The following COMMD9 variants were observed in gnomAD, a reference collection of about 807,000 sequenced individuals.
The protein encoded by COMMD9 is COMM domain containing 9.
In COMMD9, 22 loss-of-function variants were observed where a neutral mutation model predicts 23.4. The observed-to-expected ratio is 0.94, with a 90% CI of 0.67 to 1.34. The LOEUF (loss-of-function observed/expected upper bound fraction) is 1.34. Among genes scored for constraint, COMMD9 ranks in the 40% most tolerant of loss-of-function variants. The pLI is 0.00. For synonymous variants in COMMD9, 99 were observed against 97.4 expected (o/e 1.02, Z -0.10); for missense variants, 231 against 240.2 (o/e 0.96, Z 0.25).
intron 1 of COMMD9, among the ~76,000 whole-genome samples, chr11:36,285,197 A>G (rs909105301): frequency 6.6e-6 from 1 of 152,176 alleles, no homozygotes; most frequent in Non-Finnish European, 1.5e-5. Flanking sequence ...GATCCTGCAG[A>G]CATCAAAAGG....
chr11:36,274,160 G>A lies in COMMD9; in HGVS notation c.*472C>T. ...GGATGGACCATGCTCTGTGGGCTCTGCCTGGCTTCCCTGACAGAGGAGCAG... is the reference window on the plus strand; with the variant it reads ...GGATGGACCATGCTCTGTGGGCTCTACCTGGCTTCCCTGACAGAGGAGCAG... On this transcript the variant is annotated 3_prime_UTR_variant, in exon 6 of 6. Coordinates refer to ENST00000263401, the MANE Select transcript of COMMD9 (RefSeq NM_014186.4). The A allele has an allele frequency of 2.3e-6, 1 of 428,410 alleles. No homozygotes were observed. The highest frequency in any genetic ancestry group is 1.7e-5 in the South Asian group (1 of 58,858). The allele number at this position is 428,410 out of a possible 1,614,324, so 26.5% of individuals were successfully genotyped here.
At chr11:36,282,617 GTCACAAGAC>G (rs1856085280) in intron 1 of COMMD9, among the ~76,000 whole-genome samples, 1 of 152,140 alleles carries the variant, frequency 6.6e-6, no homozygotes, top group Non-Finnish European at 1.5e-5. Flanking sequence ...AAGAATATCT[GTCACAAGAC>G]CTGCCGTAAA....
intron 1 of COMMD9, 21 bp from the exon 2 acceptor site, chr11:36,280,858 AG>A (rs1856054807): frequency 2.6e-6 from 4 of 1,529,800 alleles, no homozygotes; most frequent in South Asian, 1.2e-5. Flanking sequence ...AATCACAGAT[AG>A]GAAAAAAAAA....
chr11:36,276,497 A>G (rs1432371516), intron 4 of COMMD9: 1 of 420,452 alleles, frequency 2.4e-6, no homozygotes, highest in Non-Finnish European at 4.3e-6. Flanking sequence ...AGCCCTCCAG[A>G]TGTTAGGGCA....
chr11:36,286,727 C>A (rs987715314), intron 1 of COMMD9, among the ~76,000 whole-genome samples: 1 of 152,108 alleles, frequency 6.6e-6, no homozygotes, highest in Non-Finnish European at 1.5e-5. Context: ...ACATGGAATA[C>A]CACTCAGCAA....
intron 1 of COMMD9, among the ~76,000 whole-genome samples, chr11:36,286,395 C>CAAAAAAAAAAAAAAAAAAAAAA (rs138463305): frequency 1.3e-5 from 1 of 76,942 alleles, no homozygotes; most frequent in South Asian, 5.2e-4. Context: ...ACTAAAAATA[C>CAAAAAAAAAAAAAAAAAAAAAA]AAAAAAAAAA....
intron 1 of COMMD9, among the ~76,000 whole-genome samples, chr11:36,286,836 A>T (rs1178386243): frequency 6.6e-6 from 1 of 152,222 alleles, no homozygotes; most frequent in African/African-American, 2.4e-5. Flanking sequence ...TATTCCATTT[A>T]TACGGCATTC....
intron 1 of COMMD9, among the ~76,000 whole-genome samples, chr11:36,283,655 A>G (rs999841497): frequency 2.0e-5 from 3 of 152,248 alleles, no homozygotes. Context: ...AAAATGAAAG[A>G]AAAATCAAGA....
intron 1 of COMMD9, among the ~76,000 whole-genome samples, chr11:36,288,372 AAAG>A (rs770791432): frequency 0.023 from 3,496 of 150,728 alleles, 68 homozygotes; most frequent in South Asian, 0.049. Flanking sequence ...AAAAAAAAAA[AAAG>A]AGAGAGGAAG....
chr11:36,280,923 A>G, intron 1 of COMMD9, 86 bp from the exon 2 acceptor site: 3 of 1,332,204 alleles, frequency 2.3e-6, no homozygotes, highest in Non-Finnish European at 3.0e-6. Flanking sequence ...GTCATACATG[A>G]TACCTTTGAG....
intron 5 of COMMD9, among the ~76,000 whole-genome samples, chr11:36,275,571 G>A (rs1440151890): frequency 1.3e-5 from 2 of 151,978 alleles, no homozygotes; most frequent in African/African-American, 4.8e-5. Flanking sequence ...AGCCTCCTGA[G>A]TAGCTGGGAC....
rs879913906 is a variant in COMMD9 at position 36,272,829 on chromosome 11, A to C, written c.*1803T>G. The C allele has an allele frequency of 3.9e-5, 6 of 152,224 alleles. No individual in the cohort carries two copies. Among genetic ancestry groups the C allele is most frequent in the African/African-American group, 1.4e-4 (6 of 41,454 alleles). 9.4% of individuals were successfully genotyped at this position (152,224 alleles called of 1,614,324 possible). On this transcript the variant is annotated 3_prime_UTR_variant, in exon 6 of 6. Transcript: ENST00000263401. ...AGTCCTGTGTTGTAAAGAGAAAGCTAGAGAAATATGGGTCCACCTCTTAAT... is the reference window on the plus strand; with the variant it reads ...AGTCCTGTGTTGTAAAGAGAAAGCTCGAGAAATATGGGTCCACCTCTTAAT...
At chr11:36,288,359 T>TA (rs1554981278) in intron 1 of COMMD9, among the ~76,000 whole-genome samples, 21,766 of 141,420 alleles carry the variant, frequency 0.15, 1,758 homozygotes, top group Admixed American at 0.24. Flanking sequence ...ACCTGGTGTT[T>TA]AAAAAAAAAA....
intron 1 of COMMD9, among the ~76,000 whole-genome samples, chr11:36,282,313 C>G (rs567288679): frequency 1.3e-5 from 2 of 152,034 alleles, no homozygotes; most frequent in Non-Finnish European, 2.9e-5. Context: ...TGAGTGAACC[C>G]TAGACAGGAT....
intron 4 of COMMD9, 68 bp downstream of exon 4, chr11:36,277,021 C>T (rs928253285): frequency 4.3e-6 from 6 of 1,389,872 alleles, no homozygotes. Flanking sequence ...TCTCTGATCA[C>T]TTGGCAGACT....
At chr11:36,280,637 T>C (rs1856049255) in intron 2 of COMMD9, 75 bp downstream of exon 2, 1 of 1,419,112 alleles carries the variant, frequency 7.0e-7, no homozygotes, top group Non-Finnish European at 9.4e-7. Flanking sequence ...TCCTTGGACA[T>C]GGCAATGACT....
intron 1 of COMMD9, among the ~76,000 whole-genome samples, chr11:36,282,417 A>T (rs1856081713): frequency 6.6e-6 from 1 of 152,078 alleles, no homozygotes; most frequent in Non-Finnish European, 1.5e-5. Context: ...ATGACACCTT[A>T]CCTATTTAAA....
chr11:36,282,285 C>T (rs1020873435), intron 1 of COMMD9, among the ~76,000 whole-genome samples: 5 of 151,976 alleles, frequency 3.3e-5, no homozygotes, highest in African/African-American at 1.2e-4. Context: ...AGACATACTC[C>T]TATATATTTC....
At chr11:36,286,523 C>A (rs1448552514) in intron 1 of COMMD9, among the ~76,000 whole-genome samples, 1 of 151,744 alleles carries the variant, frequency 6.6e-6, no homozygotes, top group African/African-American at 2.4e-5. Context: ...CCCTTGAACC[C>A]AGGAGGTGGA....
Sources: allele counts gnomAD v4.1 joint callset (sites outside exome capture counted in the v4.1 genomes callset), GRCh38; gene constraint gnomAD v4.1.1; transcripts MANE v1.5; gene names NCBI Gene and HGNC (gene_info 2026-07-23, HGNC 2026-07-21).